Variants in FHOD3 observed in about 807,000 individuals in gnomAD.
FHOD3 encodes the protein formin homology 2 domain containing 3.
FHOD3 carries 90 observed loss-of-function variants against 173.0 expected under a neutral mutation model. That is an observed-to-expected ratio of 0.52 (90% CI 0.44 to 0.62). The LOEUF is 0.62. Among genes scored for constraint, FHOD3 ranks in the 20% least tolerant of loss-of-function variants. The probability of loss-of-function intolerance (pLI) is 0.00; values close to 1 mark genes in which losing one functional copy is unlikely to be tolerated. For missense variants in FHOD3, 1,945 were observed against 2,034.7 expected (o/e 0.96, Z 0.85); for synonymous variants, 828 against 823.0 (o/e 1.01, Z -0.10).
intron 3 of FHOD3, among the ~76,000 whole-genome samples, chr18:36,496,655 T>G (rs2054759214): frequency 6.6e-6 from 1 of 152,216 alleles, no homozygotes; most frequent in Non-Finnish European, 1.5e-5. Context: ...TAGAGTAATA[T>G]TCCTTTAAAT....
In FHOD3 at chr18:36,529,603, G is replaced by T. The variant is rs567490958; in HGVS notation, c.511+17060G>T. Among the ~76,000 whole-genome samples the T allele has an allele frequency of 3.4e-4, 52 of 152,140 alleles. 1 individual carries two copies. The highest frequency in any genetic ancestry group is 6.3e-4 in the Non-Finnish European group (43 of 67,996). ...GGAGGCTGAGGCGGGTGGATCACTT[G>T]AGGTCAGGAGTTTGAGACCAGCCTG... On this transcript the variant is annotated intron_variant, in intron 5 of 28. Coordinates refer to ENST00000590592, the MANE Select transcript of FHOD3 (RefSeq NM_001281740.3).
intron 3 of FHOD3, among the ~76,000 whole-genome samples, chr18:36,477,203 A>G (rs943089794): frequency 2.0e-5 from 3 of 152,092 alleles, no homozygotes; most frequent in Admixed American, 2.0e-4. Flanking sequence ...CTGTCTCCTT[A>G]GTTGGGGCAG....
intron 3 of FHOD3, among the ~76,000 whole-genome samples, chr18:36,446,065 G>C (rs1283482418): frequency 6.6e-6 from 1 of 152,186 alleles, no homozygotes; most frequent in Non-Finnish European, 1.5e-5. Context: ...GGAACTTGTT[G>C]CCAGGACAGC....
At position 36,483,895 on chromosome 18, in the gene FHOD3, C is replaced by T. The variant is rs549658562; in HGVS notation, c.338-18037C>T. On this transcript the variant is annotated intron_variant, in intron 3 of 28. Transcript: ENST00000590592. ...TTCAAACTGGCCACCTCTTCAAGCACTGCAGGTGTTAACTACATGCCCCGA... is the reference window on the plus strand; with the variant it reads ...TTCAAACTGGCCACCTCTTCAAGCATTGCAGGTGTTAACTACATGCCCCGA... Among the ~76,000 whole-genome samples the T allele has an allele frequency of 5.3e-5, 8 of 152,224 alleles. No homozygotes were observed. The South Asian group carries it at 1.7e-3, about 32-fold the overall frequency.
chr18:36,342,718 C>A (rs2045684520), intron 1 of FHOD3, among the ~76,000 whole-genome samples: 1 of 152,156 alleles, frequency 6.6e-6, no homozygotes, highest in African/African-American at 2.4e-5. Context: ...CAAAGGGCAT[C>A]ATCAGAAAGT....
intron 1 of FHOD3, among the ~76,000 whole-genome samples, chr18:36,349,860 G>C (rs1348312587): frequency 6.6e-6 from 1 of 152,086 alleles, no homozygotes; most frequent in African/African-American, 2.4e-5. Context: ...CTGCCTCCCT[G>C]GTTCAAACAA....
intron 13 of FHOD3, among the ~76,000 whole-genome samples, chr18:36,654,387 G>A (rs1421071289): frequency 6.6e-6 from 1 of 152,174 alleles, no homozygotes; most frequent in Admixed American, 6.5e-5. Context: ...CAAGTTTTGA[G>A]AAGCCTGTCT....
At position 36,297,776 on chromosome 18, in the gene FHOD3, GCGTCCCGGCCCGCGGCCCCGCTAACC is replaced by G; in HGVS notation, c.-58_-33del. 1 of 1,409,922 alleles carries G rather than the reference GCGTCCCGGCCCGCGGCCCCGCTAACC, an allele frequency of 7.1e-7. No homozygotes were observed. Among genetic ancestry groups the G allele is most frequent in the South Asian group, 1.4e-5 (1 of 69,204 alleles). The allele number at this position is 1,409,922 out of a possible 1,614,324, so 87.3% of individuals were successfully genotyped here. A position where few individuals can be genotyped will look rare whatever the true frequency, so the allele number is the denominator to read the frequency against. On this transcript the variant is annotated 5_prime_UTR_variant, in exon 1 of 29. Coordinates refer to ENST00000590592, the MANE Select transcript of FHOD3 (RefSeq NM_001281740.3). The stretch of plus-strand genomic sequence containing the variant: ...GCCTCCCCTGCGCGCAGCTACCCGG[GCGTCCCGGCCCGCGGCCCCGCTAACC>G]CCGGGGCCCGCGCCCCCGCGGCAGG...
chr18:36,713,523 T>A (rs2040285946), intron 18 of FHOD3, among the ~76,000 whole-genome samples: 1 of 152,048 alleles, frequency 6.6e-6, no homozygotes, highest in African/African-American at 2.4e-5. Flanking sequence ...TCAAAGGGGA[T>A]GAAGAAAGGT....
rs114981974 is a variant in FHOD3 at position 36,540,935 on chromosome 18, T to C, written c.511+28392T>C. 6.5e-3 allele frequency among the ~76,000 whole-genome samples: 985 copies of C among 152,312 alleles called. 11 individuals carry two copies. Among genetic ancestry groups the C allele is most frequent in the African/African-American group, 0.022 (935 of 41,556 alleles). ...TGTTTTGTTTCTTTTCCTGTTAGCA[T>C]AGCCTCAAAAGGAGATTATTAAAAG... On this transcript the variant is annotated intron_variant, in intron 5 of 28. Transcript: ENST00000590592.
chr18:36,336,772 C>T (rs1447378193), intron 1 of FHOD3, among the ~76,000 whole-genome samples: 2 of 130,202 alleles, frequency 1.5e-5, no homozygotes, highest in Non-Finnish European at 3.1e-5. Context: ...TTGCTTGAAC[C>T]TGGGAGGTGG....
chr18:36,394,871 C>T (rs182063058), intron 3 of FHOD3, among the ~76,000 whole-genome samples: 8 of 152,262 alleles, frequency 5.3e-5, no homozygotes, highest in Admixed American at 3.3e-4. Flanking sequence ...CTGGGAGATA[C>T]GTGTTGTATA....
At position 36,509,446 on chromosome 18, in the gene FHOD3, A is replaced by G. The variant is rs1037384687; in HGVS notation, c.406-2992A>G. 1.7e-4 allele frequency among the ~76,000 whole-genome samples: 26 copies of G among 151,490 alleles called. No individual in the cohort carries two copies. In the East Asian group the frequency reaches 5.1e-3, roughly 29 times the overall value. On this transcript the variant is annotated intron_variant, in intron 4 of 28. Transcript: ENST00000590592. ...CATCTCAAAAAAAAAAAAAAAGAAA[A>G]AAAAAAGAAAACAGTATTTATGAGA...
chr18:36,601,422 C>T (rs2031365425), intron 7 of FHOD3, among the ~76,000 whole-genome samples: 1 of 152,136 alleles, frequency 6.6e-6, no homozygotes, highest in African/African-American at 2.4e-5. Flanking sequence ...GCATCTGCTT[C>T]CTGGTTCTTT....
chr18:36,689,854 T>C (rs1355982140), intron 16 of FHOD3, among the ~76,000 whole-genome samples: 3 of 152,114 alleles, frequency 2.0e-5, no homozygotes, highest in East Asian at 1.9e-4. Flanking sequence ...ATGAAAATGA[T>C]CAATGAAGCA....
intron 3 of FHOD3, among the ~76,000 whole-genome samples, chr18:36,498,295 A>G (rs910376771): frequency 1.3e-5 from 2 of 152,176 alleles, no homozygotes; most frequent in Admixed American, 6.5e-5. Flanking sequence ...ACCTGAAGAA[A>G]CTAGAAGAGC....
chr18:36,373,972 A>G (rs967828741), intron 3 of FHOD3, among the ~76,000 whole-genome samples: 3 of 152,334 alleles, frequency 2.0e-5, no homozygotes, highest in African/African-American at 7.2e-5. Context: ...CAGGCACGTA[A>G]CATGTACTGA....
In FHOD3 at chr18:36,718,137, G is replaced by A. The variant is rs2040561708; in HGVS notation, c.2839G>A (p.Gly947Arg). ...AGCATTTGCTGAGAAATTCAACAGT[G>A]GGGACCTGGGGAGAGGTTCCATCTC... ...VKAFAEKFNS[G>R]DLGRGSISPD... Residue 947 changes from glycine to arginine, a missense_variant, in exon 19 of 29, where the codon GGG (glycine) becomes AGG (arginine). Coordinates refer to ENST00000590592, the MANE Select transcript of FHOD3 (RefSeq NM_001281740.3). The A allele has an allele frequency of 3.1e-6, 5 of 1,605,506 alleles. No individual in the cohort carries two copies. Among genetic ancestry groups the A allele is most frequent in the South Asian group, 1.1e-5 (1 of 89,574 alleles).
At chr18:36,500,640 A>T (rs915905000) in intron 3 of FHOD3, among the ~76,000 whole-genome samples, 2 of 152,234 alleles carry the variant, frequency 1.3e-5, no homozygotes, top group Admixed American at 1.3e-4. Context: ...CATTTTACAG[A>T]TGGAGAATCC....
Sources: allele counts gnomAD v4.1 joint callset (sites outside exome capture counted in the v4.1 genomes callset), GRCh38; gene constraint gnomAD v4.1.1; transcripts MANE v1.5; gene names NCBI Gene and HGNC (gene_info 2026-07-23, HGNC 2026-07-21).